Variants in TTN observed in about 807,000 individuals in gnomAD.
TTN encodes the protein connectin.
Under a neutral mutation model 3,223.0 loss-of-function variants are expected in TTN, and 1,525 were observed. The ratio of observed to expected loss-of-function variants is 0.47; its 90% CI spans 0.45 to 0.49. The LOEUF is 0.49. TTN is among the 20% of genes least tolerant of loss of function. TTN has a pLI of 0.00. For missense variants in TTN, 40,786 were observed against 43,424.0 expected (o/e 0.94, Z 5.40); for synonymous variants, 14,094 against 15,161.0 (o/e 0.93, Z 5.17).
At chr2:178,684,118 C>T in intron 132 of TTN, 36 bp from the exon 133 acceptor site, 1 of 1,604,902 alleles carries the variant, frequency 6.2e-7, no homozygotes, top group Non-Finnish European at 8.5e-7. Context: ...GTATTGTTTC[C>T]CTCTTTCAAA....
In TTN at chr2:178,730,635, T is replaced by C. The variant is rs2154308312; in HGVS notation, c.17898A>G (p.Lys5966=). ...AGGCAGTATTGTCATGAAAAGAGAA[T>C]TTGTACTTTTCACTAGCTGATATTT... ...DQEISASEKY[K]FSFHDNTAFL... The change falls in exon 61 of 363, where the codon AAA becomes AAG. Residue 5966 remains lysine, a synonymous_variant. Transcript: ENST00000589042. The C allele has an allele frequency of 6.2e-7, 1 of 1,613,658 alleles. No homozygotes were observed. The highest frequency in any genetic ancestry group is 2.2e-5 in the East Asian group (1 of 44,854).
rs72648205 is a variant in TTN, at chr2:178,567,240, C to T, written c.78892G>A (p.Gly26298Arg). The T allele has an allele frequency of 2.9e-4, 468 of 1,607,864 alleles. 2 individuals carry two copies. Among genetic ancestry groups the T allele is most frequent in the Non-Finnish European group, 3.0e-4 (352 of 1,176,762 alleles). The change falls in exon 326 of 363, where the codon GGA becomes AGA. Residue 26298 changes from glycine to arginine, a missense_variant. Gly to Arg is a moderately radical substitution (Grantham distance 125). Coordinates refer to ENST00000589042, the MANE Select transcript of TTN (RefSeq NM_001267550.2). ...AAAGAGCATTTTTCAGAAGTGACTC[C>T]AGTAACCTGGACTGGCCCTTCTGGA... is the stretch of plus-strand genomic sequence containing the variant. ...GPPEGPVQVT[G>R]VTSEKCSLTW...
chr2:178,590,945 G>A lies in TTN; in HGVS notation c.60780C>T (p.Ser20260=), dbSNP rs2050081358. 1 of 1,613,172 alleles carries A rather than the reference G, an allele frequency of 6.2e-7. No individual in the cohort carries two copies. Among genetic ancestry groups the A allele is most frequent in the South Asian group, 1.1e-5 (1 of 91,052 alleles). The change falls in exon 304 of 363, where the codon TCC becomes TCT. Residue 20260 remains serine, a synonymous_variant. Coordinates refer to ENST00000589042, the MANE Select transcript of TTN (RefSeq NM_001267550.2). ...NKIGVGPPLD[S]TPTVAKHKFS... ...ATTTATGCTTAGCAACAGTAGGTGT[G>A]GAGTCAAGGGGAGGACCAACACCTA...
Position 178,539,760 on chromosome 2 carries a change from C to A in TTN, c.98305G>T (p.Asp32769Tyr), listed in dbSNP as rs564151542. The change falls in exon 352 of 363, where the codon GAT becomes TAT. Residue 32769 changes from aspartate (D) to tyrosine (Y), a missense_variant. Asp to Tyr is a radical substitution (Grantham distance 160, BLOSUM62 -3). Coordinates refer to ENST00000589042, the MANE Select transcript of TTN (RefSeq NM_001267550.2). ...ELVIKEADRG[D>Y]SGTYDLVLEN... ...AGAACCAGGTCATAAGTGCCAGAAT[C>A]ACCCCTGTCTGCTTCTTTGATCACA... is the stretch of plus-strand genomic sequence containing the variant. 1 of 1,613,840 alleles carries A rather than the reference C, an allele frequency of 6.2e-7. No individual in the cohort carries two copies. Among genetic ancestry groups the A allele is most frequent in the Admixed American group, 1.7e-5 (1 of 60,006 alleles).
Position 178,582,994 on chromosome 2 carries a change from T to C in TTN, c.65809A>G (p.Thr21937Ala), listed in dbSNP as rs969062428. The C allele has an allele frequency of 6.4e-7, 1 of 1,570,620 alleles. No individual in the cohort carries two copies. Among genetic ancestry groups the C allele is most frequent in the Admixed American group, 1.8e-5 (1 of 55,986 alleles). The change falls in exon 313 of 363, where the codon ACT becomes GCT. Residue 21937 changes from threonine to alanine, a missense_variant. Transcript: ENST00000589042. ...NRKDSGDYTI[T>A]AENSSGSKSA... is the part of the protein sequence containing the mutation. ...TTAGAACCACTTGAATTTTCAGCAG[T>C]AATGGTATAGTCTCCTGAGTCCTTC...
chr2:178,540,813 C>CACAAAA (rs1694087243), intron 350 of TTN, among the ~76,000 whole-genome samples: 1 of 151,942 alleles, frequency 6.6e-6, no homozygotes, highest in Non-Finnish European at 1.5e-5. Flanking sequence ...CACAAAAAAA[C>CACAAAA]AAAAGAAAGA....
In TTN at chr2:178,682,905, T is replaced by C; in HGVS notation, c.32888-2A>G. 1 of 1,593,448 alleles carries C rather than the reference T, an allele frequency of 6.3e-7. No homozygotes were observed. ...CTTTCTCTTCCATTATAGTTACTTC[T>C]GAAACAATATTAACAACAGGCAGCA... On this transcript the variant is annotated splice_acceptor_variant, in intron 134 of 362. Coordinates refer to ENST00000589042, the MANE Select transcript of TTN (RefSeq NM_001267550.2). LOFTEE classifies it high-confidence loss of function.
chr2:178,696,692 G>T (rs954696579), intron 113 of TTN, among the ~76,000 whole-genome samples: 1 of 151,912 alleles, frequency 6.6e-6, no homozygotes, highest in African/African-American at 2.4e-5. Context: ...TTTAAACCTA[G>T]GTTTTTGACT....
In TTN at chr2:178,598,584, G is replaced by A. The variant is rs1422490287; in HGVS notation, c.57033C>T (p.Pro19011=). 1 of 1,608,474 alleles carries A rather than the reference G, an allele frequency of 6.2e-7. No individual in the cohort carries two copies. The change falls in exon 292 of 363, where the codon CCC becomes CCT. Residue 19011 remains proline (P), a synonymous_variant. Coordinates refer to ENST00000589042, the MANE Select transcript of TTN (RefSeq NM_001267550.2). The part of the protein sequence containing the change: ...TKSSADLEWS[P]PLKDGGSKVT... ...CTTTGGATCCACCATCTTTTAGTGG[G>A]GGAGACCACTCCAGATCTGCAGATG... is the stretch of plus-strand genomic sequence containing the variant.
chr2:178,791,681 G>GTGTGTGTGTGTGTGTGCA (rs2093507979), intron 10 of TTN, among the ~76,000 whole-genome samples: 1 of 151,668 alleles, frequency 6.6e-6, no homozygotes, highest in African/African-American at 2.4e-5. Context: ...GTGTGTGTGT[G>GTGTGTGTGTGTGTGTGCA]TGTGTGTGCA....
At chr2:178,640,191 C>T (rs1031983996) in intron 221 of TTN, 81 bp from the exon 222 acceptor site, 39 of 1,280,400 alleles carry the variant, frequency 3.0e-5, no homozygotes, top group African/African-American at 1.1e-4. Flanking sequence ...ATTAAGCCCA[C>T]GTATCTTGGA....
rs749779075 is a variant in TTN at position 178,704,184 on chromosome 2, A to C, written c.30186T>G (p.Tyr10062Ter). ...AEDQGQYTCKYEDLETSAELR... is the reference protein window; with the variant it reads ...AEDQGQYTCK ...GTTCTGCTGAAGTTTCAAGGTCTTC[A>C]TATTTGCAGGTGTACTGACCCTGGT... The change falls in exon 106 of 363, where the codon TAT becomes TAG. Residue 10062 changes from tyrosine (Y) to a stop codon, truncating the protein, a stop_gained. Transcript: ENST00000589042. LOFTEE classifies it high-confidence loss of function. 2.5e-6 allele frequency: 4 copies of C among 1,613,984 alleles called. No homozygotes were observed. Among genetic ancestry groups the C allele is most frequent in the Non-Finnish European group, 3.4e-6 (4 of 1,179,862 alleles).
At chr2:178,550,316 A>G in intron 336 of TTN, 43 bp from the exon 337 acceptor site, 2 of 1,490,916 alleles carry the variant, frequency 1.3e-6, no homozygotes, top group Non-Finnish European at 1.8e-6. Flanking sequence ...TTGGCTTAAT[A>G]AAGACATACA....
chr2:178,684,899 AAT>A lies in TTN; in HGVS notation c.32554+5_32554+6del, dbSNP rs771419718. The A allele has an allele frequency of 3.1e-4, 503 of 1,597,132 alleles. 1 individual carries two copies. The highest frequency in any genetic ancestry group is 4.0e-4 in the Non-Finnish European group (472 of 1,170,730). ...CAGTCTTGAGAATAAAATAAAATCC[AAT>A]ATACCTTTAGGTGGGGGCACCTTTT... On this transcript the variant is annotated splice_donor_5th_base_variant and intron_variant, in intron 130 of 362. Coordinates refer to ENST00000589042, the MANE Select transcript of TTN (RefSeq NM_001267550.2).
chr2:178,771,556 C>T, intron 33 of TTN, 85 bp from the exon 34 acceptor site: 2 of 1,557,578 alleles, frequency 1.3e-6, no homozygotes, highest in Non-Finnish European at 1.8e-6. Context: ...TATAAAATAT[C>T]AAATTTAAGA....
Position 178,526,276 on chromosome 2 carries a change from C to G in TTN, c.*736G>C, listed in dbSNP as rs1303316721. 6.6e-6 allele frequency: 1 copy of G among 152,616 alleles called. No homozygotes were observed. The highest frequency in any genetic ancestry group is 1.5e-5 in the Non-Finnish European group (1 of 68,040). 9.5% of individuals were successfully genotyped at this position (152,616 alleles called of 1,614,324 possible). A position where few individuals can be genotyped will look rare whatever the true frequency, so the allele number is the denominator to read the frequency against. The stretch of plus-strand genomic sequence containing the variant: ...ACTCTGGGACCTCCAAGAGTTGGCA[C>G]TGCTCTGGCATAGGAATACTTGAAT... On this transcript the variant is annotated 3_prime_UTR_variant, in exon 363 of 363. Coordinates refer to ENST00000589042, the MANE Select transcript of TTN (RefSeq NM_001267550.2).
intron 300 of TTN, 50 bp from the exon 301 acceptor site, chr2:178,592,710 C>T: frequency 1.2e-6 from 2 of 1,611,950 alleles, no homozygotes; most frequent in Non-Finnish European, 1.7e-6. Context: ...ATGCAGATTA[C>T]AATTAAACAC....
chr2:178,568,636 A>T lies in TTN; in HGVS notation c.77496T>A (p.Thr25832=). 1 of 1,613,446 alleles carries T rather than the reference A, an allele frequency of 6.2e-7. No individual in the cohort carries two copies. Among genetic ancestry groups the T allele is most frequent in the Non-Finnish European group, 8.5e-7 (1 of 1,179,574 alleles). Residue 25832 remains threonine, a synonymous_variant, in exon 326 of 363, where the codon ACT becomes ACA. Transcript: ENST00000589042. The part of the protein sequence containing the change: ...SGRPKPTITW[T]KDGLPLKQTT... ...TCTGCTTCAGTGGGAGACCATCTTTAGTCCAGGTAATGGTTGGCTTAGGAC... is the reference window on the plus strand; with the variant it reads ...TCTGCTTCAGTGGGAGACCATCTTTTGTCCAGGTAATGGTTGGCTTAGGAC...
chr2:178,573,759 G>T lies in TTN; in HGVS notation c.72373C>A (p.Pro24125Thr), dbSNP rs1480996647. ...GTTACAGCCAAAGGTCCTTCAGGTG[G>T]GCCTGGTCTGTCAAGAACTTTGACA... ...FNVKVLDRPGPPEGPLAVTEV... is the reference protein window; with the variant it reads ...FNVKVLDRPGTPEGPLAVTEV... The change falls in exon 326 of 363, where the codon CCA becomes ACA. Residue 24125 changes from proline (P) to threonine (T), a missense_variant. Coordinates refer to ENST00000589042, the MANE Select transcript of TTN (RefSeq NM_001267550.2). 2.8e-5 allele frequency: 45 copies of T among 1,594,710 alleles called. No homozygotes were observed. The highest frequency in any genetic ancestry group is 3.8e-5 in the Non-Finnish European group (44 of 1,170,748).
Sources: allele counts gnomAD v4.1 joint callset (sites outside exome capture counted in the v4.1 genomes callset), GRCh38; gene constraint gnomAD v4.1.1; transcripts MANE v1.5; gene names NCBI Gene and HGNC (gene_info 2026-07-23, HGNC 2026-07-21).